RBPJ: variants seen among roughly 807,000 people sequenced by gnomAD.
RBPJ encodes recombining binding protein suppressor of hairless.
In RBPJ, 9 loss-of-function variants were observed where a neutral mutation model predicts 67.8. The observed-to-expected ratio is 0.13, with a 90% CI of 0.08 to 0.23. The LOEUF (loss-of-function observed/expected upper bound fraction) is 0.23. Among genes scored for constraint, RBPJ ranks in the 10% least tolerant of loss-of-function variants. The pLI is 1.00. For synonymous variants in RBPJ, 198 were observed against 203.3 expected (o/e 0.97, Z 0.22); for missense variants, 305 against 595.6 (o/e 0.51, Z 5.08).
At chr4:26,304,995 T>C (rs1722189920) in intron 1 of RBPJ, among the ~76,000 whole-genome samples, 1 of 152,222 alleles carries the variant, frequency 6.6e-6, no homozygotes, top group Non-Finnish European at 1.5e-5. Flanking sequence ...TTTAGGGCTA[T>C]GATCTAAGGT....
At chr4:26,112,542 G>GC in the RBPJ span, 1 of 82,954 alleles carries the variant, frequency 1.2e-5, no homozygotes, top group Non-Finnish European at 2.3e-5. Flanking sequence ...TGAGGAGGCA[G>GC]CCTTTTTTTT....
chr4:26,181,657 G>T (rs563032966), intron 1 of RBPJ, among the ~76,000 whole-genome samples: 17 of 152,332 alleles, frequency 1.1e-4, no homozygotes, highest in African/African-American at 4.1e-4. Context: ...CTCAGTCATA[G>T]GCTACAAACC....
At chr4:26,368,498 A>G (rs1031599863) in intron 1 of RBPJ, among the ~76,000 whole-genome samples, 2 of 151,912 alleles carry the variant, frequency 1.3e-5, no homozygotes, top group Non-Finnish European at 2.9e-5. Flanking sequence ...CTCTCTGTGG[A>G]ATTTGTTTCT....
intron 1 of RBPJ, among the ~76,000 whole-genome samples, chr4:26,191,981 C>T (rs189199464): frequency 6.6e-6 from 1 of 151,744 alleles, no homozygotes; most frequent in East Asian, 1.9e-4. Flanking sequence ...ACTATCCTGA[C>T]TATACATTTG....
At chr4:26,192,935 G>C (rs1019259266) in intron 1 of RBPJ, among the ~76,000 whole-genome samples, 2 of 152,078 alleles carry the variant, frequency 1.3e-5, no homozygotes, top group Non-Finnish European at 2.9e-5. Flanking sequence ...ATTCTACAAG[G>C]GTCCTTATGA....
At chr4:26,319,007 A>G (rs1722770185), upstream of RBPJ, among the ~76,000 whole-genome samples, 1 of 151,292 alleles carries the variant, frequency 6.6e-6, no homozygotes, top group Admixed American at 6.6e-5. Flanking sequence ...AAAAAAAAAA[A>G]AAAAAAAAAA....
At chr4:26,282,573 T>A (rs1019615320) in intron 1 of RBPJ, among the ~76,000 whole-genome samples, 2 of 151,982 alleles carry the variant, frequency 1.3e-5, no homozygotes, top group African/African-American at 4.8e-5. Context: ...CAGGCTGAAG[T>A]GCAATGGCGC....
intron 8 of RBPJ, 93 bp downstream of exon 8, chr4:26,428,953 T>A: frequency 1.1e-6 from 1 of 927,842 alleles, no homozygotes; most frequent in Non-Finnish European, 1.7e-6. Flanking sequence ...CTGTTAATTA[T>A]ATACAAATAC....
upstream of RBPJ, among the ~76,000 whole-genome samples, chr4:26,317,557 T>G (rs1722695866): frequency 6.6e-6 from 1 of 152,110 alleles, no homozygotes; most frequent in Non-Finnish European, 1.5e-5. Flanking sequence ...AATGCTCTAT[T>G]AGCACAGACT....
At chr4:26,124,580 T>G in the RBPJ span, among the ~76,000 whole-genome samples, 9 of 151,464 alleles carry the variant, frequency 5.9e-5, no homozygotes, top group Non-Finnish European at 1.2e-4. Context: ...TATAATGACT[T>G]CTTTCCCTCT....
intron 1 of RBPJ, among the ~76,000 whole-genome samples, chr4:26,298,338 A>G (rs1414619724): frequency 6.6e-6 from 1 of 152,260 alleles, no homozygotes; most frequent in Non-Finnish European, 1.5e-5. Flanking sequence ...TTCAAAACAC[A>G]CATTATAAAC....
chr4:26,191,061 A>G (rs1577454334), intron 1 of RBPJ, among the ~76,000 whole-genome samples: 1 of 142,254 alleles, frequency 7.0e-6, no homozygotes, highest in East Asian at 2.4e-4. Context: ...CTGAGGTGGG[A>G]TGATCACATG....
chr4:26,288,254 A>G (rs554023078), intron 1 of RBPJ, among the ~76,000 whole-genome samples: 4 of 152,338 alleles, frequency 2.6e-5, no homozygotes, highest in Middle Eastern at 6.8e-3. Context: ...CTTGGGATCT[A>G]TAAAGGGATT....
chr4:26,297,361 A>G, intron 1 of RBPJ, among the ~76,000 whole-genome samples: 1 of 106,768 alleles, frequency 9.4e-6, no homozygotes, highest in Non-Finnish European at 2.2e-5. Flanking sequence ...TGTGTACGAG[A>G]GAAAGAGAGA....
chr4:26,228,037 G>T (rs1408543731), intron 1 of RBPJ, among the ~76,000 whole-genome samples: 1 of 152,192 alleles, frequency 6.6e-6, no homozygotes, highest in African/African-American at 2.4e-5. Context: ...CCTCCCTGCT[G>T]CGGCAAGTCA....
At chr4:26,370,804 G>T (rs1004054102) in intron 1 of RBPJ, among the ~76,000 whole-genome samples, 2 of 152,024 alleles carry the variant, frequency 1.3e-5, no homozygotes, top group African/African-American at 4.8e-5. Flanking sequence ...TTAGGGTCTG[G>T]GTACACTGGC....
the RBPJ span, among the ~76,000 whole-genome samples, chr4:26,134,245 C>T: frequency 6.6e-6 from 1 of 152,166 alleles, no homozygotes; most frequent in East Asian, 1.9e-4. Flanking sequence ...GGATACCAAA[C>T]GCCTTTTCAC....
At chr4:26,106,117 AGAAGAGCCACT>A in the RBPJ span, among the ~76,000 whole-genome samples, 3 of 152,392 alleles carry the variant, frequency 2.0e-5, no homozygotes, top group Non-Finnish European at 4.4e-5. Flanking sequence ...AAGGGGATCC[AGAAGAGCCACT>A]GAAGAGCAGA....
At chr4:26,365,897 T>C (rs756937135) in intron 1 of RBPJ, among the ~76,000 whole-genome samples, 4 of 152,234 alleles carry the variant, frequency 2.6e-5, no homozygotes, top group Non-Finnish European at 5.9e-5. Flanking sequence ...GGCTGTTTTA[T>C]TAAGTAGAGT....
Sources: allele counts gnomAD v4.1 joint callset (sites outside exome capture counted in the v4.1 genomes callset), GRCh38; gene constraint gnomAD v4.1.1; transcripts MANE v1.5; gene names NCBI Gene and HGNC (gene_info 2026-07-23, HGNC 2026-07-21).